Variants in PKP1 observed in about 807,000 individuals in gnomAD.
PKP1 encodes plakophilin-1.
In PKP1, 27 loss-of-function variants were observed where a neutral mutation model predicts 76.4. The ratio of observed to expected loss-of-function variants is 0.35; its 90% confidence interval spans 0.26 to 0.49. PKP1 has a LOEUF of 0.49. Ranked by LOEUF, PKP1 falls within the 20% of genes least tolerant of loss-of-function variation. PKP1 has a pLI of 0.99. For missense variants in PKP1, 964 were observed against 955.2 expected (o/e 1.01, Z -0.12); for synonymous variants, 404 against 384.2 (o/e 1.05, Z -0.60).
intron 1 of PKP1, among the ~76,000 whole-genome samples, chr1:201,291,514 A>C (rs832176): frequency 0.83 from 126,642 of 152,024 alleles, 52,913 homozygotes; most frequent in East Asian, 0.91. Flanking sequence ...GGAGATGGTT[A>C]GTCTGATGAC....
chr1:201,290,127 G>A (rs1053465361), intron 1 of PKP1, among the ~76,000 whole-genome samples: 3 of 152,160 alleles, frequency 2.0e-5, no homozygotes, highest in African/African-American at 7.2e-5. Context: ...GGCACCAAAG[G>A]GAAGCAGTGT....
intron 2 of PKP1, among the ~76,000 whole-genome samples, chr1:201,297,877 T>G (rs1254314771): frequency 6.6e-6 from 1 of 152,192 alleles, no homozygotes; most frequent in Non-Finnish European, 1.5e-5. Context: ...AGACTGAGGC[T>G]GGGTTCACTT....
chr1:201,299,436 A>T (rs1434307937), intron 2 of PKP1, among the ~76,000 whole-genome samples: 2 of 152,138 alleles, frequency 1.3e-5, no homozygotes, highest in African/African-American at 4.8e-5. Context: ...TCTGGAGTGG[A>T]CTTCACCTCT....
rs775595060 is a variant in PKP1 at position 201,323,034 on chromosome 1, C to G, written c.1525C>G (p.Leu509Val). 1.2e-6 allele frequency: 2 copies of G among 1,614,048 alleles called. No homozygotes were observed. Among genetic ancestry groups the G allele is most frequent in the African/African-American group, 2.7e-5 (2 of 74,928 alleles). The change falls in exon 9 of 14, where the codon CTG (leucine) becomes GTG (valine). Residue 509 changes from leucine (L) to valine (V), a missense_variant. Physicochemically the swap from Leu to Val is conservative, Grantham distance 32. Coordinates refer to ENST00000367324, the MANE Select transcript of PKP1 (RefSeq NM_001005337.3). ...KMMNNNYDCP[L>V]PEEETNPKGS... ...TCAGAACAACAACTATGACTGCCCCCTGCCTGAGGAAGAGACCAACCCCAA... is the reference window on the plus strand; with the variant it reads ...TCAGAACAACAACTATGACTGCCCCGTGCCTGAGGAAGAGACCAACCCCAA...
At chr1:201,328,693 A>G (rs1171223411) in intron 12 of PKP1, 69 bp from the exon 13 acceptor site, 1 of 1,390,072 alleles carries the variant, frequency 7.2e-7, no homozygotes, top group East Asian at 2.3e-5. Flanking sequence ...AGGGCAGTGG[A>G]CAGTGTCTGA....
intron 2 of PKP1, among the ~76,000 whole-genome samples, chr1:201,299,561 A>G (rs1203583043): frequency 6.6e-6 from 1 of 152,158 alleles, no homozygotes; most frequent in Non-Finnish European, 1.5e-5. Flanking sequence ...ACAGGGAGCT[A>G]AAGTCTGTGT....
rs545848945 is a variant in PKP1, at chr1:201,325,948, G to A, written c.2106+110G>A. ...CACTAGAGAAACGCCCCTGCCCTTC[G>A]GGACAGTCTGAGAGACAAAGACAGC... On this transcript the variant is annotated intron_variant, in intron 12 of 13. Coordinates refer to ENST00000367324, the MANE Select transcript of PKP1 (RefSeq NM_001005337.3). The A allele has an allele frequency of 1.4e-4, 108 of 762,490 alleles. 1 individual carries two copies. Among genetic ancestry groups the A allele is most frequent in the South Asian group, 6.9e-4 (47 of 68,538 alleles). 47.2% of individuals were successfully genotyped at this position (762,490 alleles called of 1,614,324 possible).
chr1:201,311,061 G>A (rs892969219), intron 2 of PKP1, among the ~76,000 whole-genome samples: 4 of 152,242 alleles, frequency 2.6e-5, no homozygotes, highest in Admixed American at 6.5e-5. Flanking sequence ...CTGAGATGAC[G>A]TCCAGGCGTG....
intron 3 of PKP1, among the ~76,000 whole-genome samples, chr1:201,314,606 G>T (rs950359643): frequency 6.6e-6 from 1 of 152,262 alleles, no homozygotes; most frequent in African/African-American, 2.4e-5. Context: ...GAGACCAAAT[G>T]GGGTGCCCCG....
At chr1:201,328,672 G>T (rs777096368) in intron 12 of PKP1, 90 bp from the exon 13 acceptor site, 9 of 1,124,136 alleles carry the variant, frequency 8.0e-6, no homozygotes, top group Non-Finnish European at 1.2e-5. Flanking sequence ...GTGAGCCGAG[G>T]TTGCTCTGGG....
At chr1:201,291,879 A>G (rs1016988328) in intron 1 of PKP1, among the ~76,000 whole-genome samples, 4 of 152,188 alleles carry the variant, frequency 2.6e-5, no homozygotes, top group African/African-American at 9.7e-5. Context: ...CCTTGGGAGC[A>G]CCAGTCCTGA....
At chr1:201,299,560 T>TA (rs563702758) in intron 2 of PKP1, among the ~76,000 whole-genome samples, 27 of 152,356 alleles carry the variant, frequency 1.8e-4, no homozygotes, top group Admixed American at 1.3e-3. Context: ...TACAGGGAGC[T>TA]AAAGTCTGTG....
intron 2 of PKP1, among the ~76,000 whole-genome samples, chr1:201,297,301 C>G (rs1244255980): frequency 6.6e-6 from 1 of 152,148 alleles, no homozygotes; most frequent in African/African-American, 2.4e-5. Context: ...GCCTCCTCCT[C>G]CTTCAGGCAG....
chr1:201,316,447 G>A, intron 3 of PKP1, 106 bp from the exon 4 acceptor site: 2 of 1,221,632 alleles, frequency 1.6e-6, no homozygotes, highest in South Asian at 1.4e-5. Context: ...GCTCTCCAGA[G>A]GGCAGATGAG....
At position 201,294,150 on chromosome 1, in the gene PKP1, C is replaced by A. The variant is rs769569047; in HGVS notation, c.306+105C>A. On this transcript the variant is annotated intron_variant, in intron 2 of 13. Coordinates refer to ENST00000367324, the MANE Select transcript of PKP1 (RefSeq NM_001005337.3). The stretch of plus-strand genomic sequence containing the variant: ...CAGTTGCTAAAAAGAGTGATGTAGG[C>A]TTTGGTCCGTGAGTTGAGGCTCATC... 2 of 786,372 alleles carry A rather than the reference C, an allele frequency of 2.5e-6. 1 individual carries two copies. The highest frequency in any genetic ancestry group is 2.9e-5 in the South Asian group (2 of 68,520). 48.7% of individuals were successfully genotyped at this position (786,372 alleles called of 1,614,324 possible). A position where few individuals can be genotyped will look rare whatever the true frequency, so the allele number is the denominator to read the frequency against.
intron 1 of PKP1, among the ~76,000 whole-genome samples, chr1:201,284,963 A>G (rs1655685398): frequency 6.6e-6 from 1 of 152,168 alleles, no homozygotes; most frequent in Non-Finnish European, 1.5e-5. Flanking sequence ...GACAGGGGAG[A>G]GCTTATAGAC....
intron 2 of PKP1, among the ~76,000 whole-genome samples, chr1:201,304,964 C>T (rs566546247): frequency 6.6e-6 from 1 of 152,354 alleles, no homozygotes; most frequent in African/African-American, 2.4e-5. Flanking sequence ...AGGTGATGAA[C>T]GGGGAAGCCC....
intron 8 of PKP1, 79 bp downstream of exon 8, chr1:201,322,212 C>A: frequency 6.7e-7 from 1 of 1,483,216 alleles, no homozygotes; most frequent in Admixed American, 1.7e-5. Context: ...GCCCTTTCCT[C>A]TGGGCCCTCC....
In PKP1 at chr1:201,318,625, C is replaced by T. The variant is rs750685057; in HGVS notation, c.1062C>T (p.Leu354=). ...AEIQKQLTGL[L]WNLSSTDELK... Reference sequence around the variant, plus strand: ...ATGGTCTCTGACCCCCAGGGCTGCTCTGGAACCTGTCTTCCACTGACGAGC... The same window carrying T: ...ATGGTCTCTGACCCCCAGGGCTGCTTTGGAACCTGTCTTCCACTGACGAGC... Residue 354 remains leucine, a synonymous_variant, in exon 6 of 14, where the codon CTC becomes CTT. Transcript: ENST00000367324. 28 of 1,612,052 alleles carry T rather than the reference C, an allele frequency of 1.7e-5. No individual in the cohort carries two copies. The South Asian group carries it at 2.9e-4, about 16-fold the overall frequency.
Sources: gnomAD v4.1 joint callset for allele counts (sites outside exome capture counted in the v4.1 genomes callset) on GRCh38, gnomAD v4.1.1 for gene constraint, MANE v1.5 for transcripts, NCBI Gene and HGNC (gene_info 2026-07-23, HGNC 2026-07-21) for gene names.